BRAF: variants seen among roughly 807,000 people sequenced by gnomAD.
BRAF encodes the protein serine/threonine-protein kinase B-raf.
BRAF carries 16 observed loss-of-function variants against 104.6 expected under a neutral mutation model. The observed-to-expected ratio is 0.15, with a 90% CI of 0.10 to 0.23. The LOEUF is 0.23. BRAF is among the 10% of genes least tolerant of loss of function. The probability of loss-of-function intolerance (pLI) is 1.00; values close to 1 mark genes in which losing one functional copy is unlikely to be tolerated. For synonymous variants in BRAF, 310 were observed against 341.6 expected, an observed-to-expected ratio of 0.91 and a Z score of 1.02; for missense variants, 541 against 937.3, an observed-to-expected ratio of 0.58 and a Z score of 5.52.
chr7:140,880,071 G>A lies in BRAF; in HGVS notation c.139-29859C>T, dbSNP rs572951327. On this transcript the variant is annotated intron_variant, in intron 1 of 19. Transcript: ENST00000644969. ...ACAAGACAACAATGAAGTCTGCTGTGCCGACTGACTTTTTTTCACAAAAGA... is the reference window on the plus strand; with the variant it reads ...ACAAGACAACAATGAAGTCTGCTGTACCGACTGACTTTTTTTCACAAAAGA... Among the ~76,000 whole-genome samples, 29 of 152,230 alleles carry A rather than the reference G, an allele frequency of 1.9e-4. 1 individual carries two copies. Among genetic ancestry groups the A allele is most frequent in the African/African-American group, 6.3e-4 (26 of 41,526 alleles).
chr7:140,847,574 C>G (rs945641441), intron 2 of BRAF, among the ~76,000 whole-genome samples: 41 of 151,868 alleles, frequency 2.7e-4, no homozygotes, highest in Middle Eastern at 3.4e-3. Context: ...CAGCAAGATT[C>G]CATCTCAGGA....
At chr7:140,773,030 T>C (rs536795061) in intron 14 of BRAF, among the ~76,000 whole-genome samples, 1 of 152,306 alleles carries the variant, frequency 6.6e-6, no homozygotes, top group African/African-American at 2.4e-5. Context: ...GAATGTTCCT[T>C]AGAAAACCTC....
chr7:140,734,360 A>T, intron 19 of BRAF: 2 of 1,360,984 alleles, frequency 1.5e-6, no homozygotes, highest in Non-Finnish European at 1.9e-6. Context: ...CCTCTAGAAG[A>T]GGCTCTGCCA....
chr7:140,733,802 A>G (rs962242356), intron 19 of BRAF: 2 of 173,132 alleles, frequency 1.2e-5, no homozygotes, highest in Non-Finnish European at 2.3e-5. Context: ...GATTTTTTGC[A>G]GGGGAGAGAT....
intron 18 of BRAF, among the ~76,000 whole-genome samples, chr7:140,738,207 T>A (rs529954224): frequency 7.2e-5 from 11 of 152,364 alleles, no homozygotes; most frequent in South Asian, 2.1e-4. Flanking sequence ...ATGAAACTTA[T>A]ATCTACCCAG....
In BRAF at chr7:140,721,935, T is replaced by A; in HGVS notation, c.*4559A>T. On this transcript the variant is annotated 3_prime_UTR_variant, in exon 20 of 20. Transcript: ENST00000644969. Reference sequence around the variant, plus strand: ...AATTTACATTTCAAACTCTGAAAAATCAGTGTCTAGGTTGGCAGCAGTACT... The same window carrying A: ...AATTTACATTTCAAACTCTGAAAAAACAGTGTCTAGGTTGGCAGCAGTACT... 7.9e-7 allele frequency: 1 copy of A among 1,259,818 alleles called. No individual in the cohort carries two copies. Among genetic ancestry groups the A allele is most frequent in the Non-Finnish European group, 1.0e-6 (1 of 1,004,850 alleles). The allele number at this position is 1,259,818 out of a possible 1,614,324, so 78.0% of individuals were successfully genotyped here.
chr7:140,899,613 C>T (rs1388169832), intron 1 of BRAF, among the ~76,000 whole-genome samples: 1 of 152,086 alleles, frequency 6.6e-6, no homozygotes, highest in Non-Finnish European at 1.5e-5. Flanking sequence ...AGGGTCATTT[C>T]ATATGTTTAT....
chr7:140,794,392 A>T lies in BRAF; in HGVS notation c.1056T>A (p.Asp352Glu), dbSNP rs1398817791. 10 of 1,614,062 alleles carry T rather than the reference A, an allele frequency of 6.2e-6. No individual in the cohort carries two copies. The highest frequency in any genetic ancestry group is 8.5e-6 in the Non-Finnish European group (10 of 1,180,004). ...CTCGTTGCCCAAATTGATTTCGATG[A>T]TCTTCATCTGCTGGTCGGAAGGGCT... ...IPQPFRPADE[D>E]HRNQFGQRDR... Residue 352 changes from aspartate (D) to glutamate (E), a missense_variant, in exon 8 of 20, where the codon GAT becomes GAA. Physicochemically the swap from Asp to Glu is conservative, Grantham distance 45. Transcript: ENST00000644969.
rs1211673707 is a variant in BRAF, at chr7:140,808,082, G to C, written c.609-20C>G. On this transcript the variant is annotated intron_variant, in intron 4 of 19. Transcript: ENST00000644969. The stretch of plus-strand genomic sequence containing the variant: ...TTCTCTCTGAAAAATGTAGACACAA[G>C]CCTTTCTTGGTTATTACACCTAAAA... 16 of 1,569,658 alleles carry C rather than the reference G, an allele frequency of 1.0e-5. No individual in the cohort carries two copies. The highest frequency in any genetic ancestry group is 1.4e-5 in the Non-Finnish European group (16 of 1,140,180).
chr7:140,788,175 C>A (rs191256244), intron 8 of BRAF, among the ~76,000 whole-genome samples: 25 of 152,168 alleles, frequency 1.6e-4, no homozygotes, highest in African/African-American at 5.8e-4. Flanking sequence ...ATGGCTTCAT[C>A]AATCCTTAAA....
chr7:140,849,120 T>C (rs1437986553), intron 2 of BRAF, among the ~76,000 whole-genome samples: 2 of 152,154 alleles, frequency 1.3e-5, no homozygotes, highest in African/African-American at 4.8e-5. Context: ...CCAGCTTTTA[T>C]AAAGAAAGGG....
intron 18 of BRAF, among the ~76,000 whole-genome samples, 157 bp from the exon 18 acceptor site, chr7:140,734,927 T>A (rs765831770): frequency 1.3e-5 from 2 of 152,042 alleles, no homozygotes; most frequent in Non-Finnish European, 2.9e-5. Flanking sequence ...AAATCTTACA[T>A]TGTTTTCAGC....
At chr7:140,828,507 T>C (rs974529889) in intron 3 of BRAF, among the ~76,000 whole-genome samples, 1 of 152,206 alleles carries the variant, frequency 6.6e-6, no homozygotes, top group African/African-American at 2.4e-5. Context: ...TACTAGAATA[T>C]TGCAATGTGA....
chr7:140,924,597 G>A lies in BRAF; in HGVS notation c.107C>T (p.Ser36Phe), dbSNP rs886041827. The change falls in exon 1 of 20, where the codon TCT (serine) becomes TTT (phenylalanine). Residue 36 changes from serine (S) to phenylalanine (F), a missense_variant. Ser to Phe is a radical substitution (Grantham distance 155). Around this residue, in one of 10 missense-constraint regions of BRAF, gnomAD observed 82 missense variants for 65.9 expected, o/e 1.24. Coordinates refer to ENST00000644969, the MANE Select transcript of BRAF (RefSeq NM_001374258.1). The surrounding 1 kb of genome is among the most constrained non-coding windows in gnomAD (Gnocchi z 4.2). ...CGGAATGGCAGGGTCCGCAGCCGAA[G>A]AGGCCGCGGCGCCGGCGCCGGCGCC... ...EAGAGAGAAA[S>F]SAADPAIPEE... 1 of 1,529,962 alleles carries A rather than the reference G, an allele frequency of 6.5e-7. No individual in the cohort carries two copies. Among genetic ancestry groups the A allele is most frequent in the South Asian group, 1.2e-5 (1 of 83,840 alleles). 94.8% of individuals were successfully genotyped at this position (1,529,962 alleles called of 1,614,324 possible).
intron 18 of BRAF, among the ~76,000 whole-genome samples, chr7:140,738,282 A>AT (rs1296826424): frequency 6.6e-6 from 1 of 152,188 alleles, no homozygotes; most frequent in Admixed American, 6.5e-5. Flanking sequence ...AAAACCATCA[A>AT]TTTTATCTTC....
chr7:140,813,438 C>T (rs1385689323), intron 3 of BRAF, among the ~76,000 whole-genome samples: 1 of 152,176 alleles, frequency 6.6e-6, no homozygotes, highest in Non-Finnish European at 1.5e-5. Context: ...TAAGCAAGAT[C>T]CATGAAGCGA....
intron 2 of BRAF, among the ~76,000 whole-genome samples, chr7:140,842,869 C>T (rs1379602013): frequency 6.6e-6 from 1 of 152,002 alleles, no homozygotes; most frequent in Non-Finnish European, 1.5e-5. Context: ...GAAAAGATGG[C>T]TTTTAAATAA....
At chr7:140,873,368 C>T (rs977458665) in intron 1 of BRAF, among the ~76,000 whole-genome samples, 2 of 152,084 alleles carry the variant, frequency 1.3e-5, no homozygotes, top group African/African-American at 4.8e-5. Flanking sequence ...CAGGGTTTCA[C>T]CATGTTGGCC....
intron 5 of BRAF, among the ~76,000 whole-genome samples, chr7:140,806,945 G>A (rs578233920): frequency 5.3e-5 from 8 of 152,204 alleles, no homozygotes; most frequent in African/African-American, 9.6e-5. Context: ...AACACTTGAC[G>A]CCTAAAGGGT....
Sources: gnomAD v4.1 joint callset for allele counts (sites outside exome capture counted in the v4.1 genomes callset) on GRCh38, gnomAD v4.1.1 for gene constraint, gnomAD v4.1.1 regional missense constraint, Gnocchi (gnomAD v3.1) non-coding constraint, MANE v1.5 for transcripts, NCBI Gene and HGNC (gene_info 2026-07-23, HGNC 2026-07-21) for gene names.